DTNA: variants seen among roughly 807,000 people sequenced by gnomAD.
DTNA encodes dystrophin-related protein 3.
DTNA carries 43 observed loss-of-function variants against 100.7 expected under a neutral mutation model. That is an observed-to-expected ratio of 0.43 (90% CI 0.33 to 0.55). DTNA has a LOEUF of 0.55. Ranked by LOEUF, DTNA falls within the 20% of genes least tolerant of loss-of-function variation. The pLI is 0.04. For missense variants in DTNA, 798 were observed against 953.9 expected (o/e 0.84, Z 2.15); for synonymous variants, 349 against 347.9 (o/e 1.00, Z -0.04).
intron 1 of DTNA, among the ~76,000 whole-genome samples, chr18:34,600,374 G>A (rs1174177719): frequency 1.3e-5 from 2 of 152,104 alleles, no homozygotes; most frequent in Admixed American, 1.3e-4. Context: ...ATTTTAAAAA[G>A]AGCAATAGAG....
chr18:34,809,030 A>G (rs1236088931), intron 5 of DTNA, among the ~76,000 whole-genome samples: 3 of 152,218 alleles, frequency 2.0e-5, no homozygotes, highest in Non-Finnish European at 4.4e-5. Context: ...AGCAGTTTCC[A>G]GGTAACTTGG....
chr18:34,624,152 A>C (rs1209843433), intron 1 of DTNA, among the ~76,000 whole-genome samples: 3 of 152,212 alleles, frequency 2.0e-5, no homozygotes. Flanking sequence ...AAGCAAAAAA[A>C]ATACAAGGTA....
intron 1 of DTNA, among the ~76,000 whole-genome samples, chr18:34,692,231 A>G (rs1368702148): frequency 1.3e-5 from 2 of 152,176 alleles, no homozygotes; most frequent in East Asian, 3.9e-4. Context: ...TTATCCAGCC[A>G]TTAGAAGTAA....
chr18:34,747,104 C>CTATATATATA (rs35537934), intron 1 of DTNA, among the ~76,000 whole-genome samples: 58 of 148,312 alleles, frequency 3.9e-4, no homozygotes, highest in African/African-American at 1.4e-3. Flanking sequence ...ATATCTGTAT[C>CTATATATATA]TATATATATA....
At chr18:34,785,833 A>G (rs79971699) in intron 3 of DTNA, among the ~76,000 whole-genome samples, 4 of 108,190 alleles carry the variant, frequency 3.7e-5, no homozygotes, top group African/African-American at 1.3e-4. Flanking sequence ...TTAGGGACCT[A>G]TTTTGTACAC....
At chr18:34,652,452 TTTG>T (rs1442275120) in intron 1 of DTNA, among the ~76,000 whole-genome samples, 1 of 152,130 alleles carries the variant, frequency 6.6e-6, no homozygotes, top group East Asian at 1.9e-4. Flanking sequence ...TGCCCAGGTG[TTTG>T]CTTATTTCCT....
intron 1 of DTNA, among the ~76,000 whole-genome samples, chr18:34,571,076 C>G (rs1486753872): frequency 6.6e-6 from 1 of 152,122 alleles, no homozygotes; most frequent in Non-Finnish European, 1.5e-5. Context: ...CACTGAGGTT[C>G]GGTTAAGTTC....
At chr18:34,688,162 G>A (rs922795687) in intron 1 of DTNA, among the ~76,000 whole-genome samples, 1 of 152,132 alleles carries the variant, frequency 6.6e-6, no homozygotes, top group African/African-American at 2.4e-5. Context: ...ATATTGTTAT[G>A]TGTGAATTTG....
At chr18:34,592,889 GA>G (rs1254624886) in intron 1 of DTNA, among the ~76,000 whole-genome samples, 3 of 151,934 alleles carry the variant, frequency 2.0e-5, no homozygotes, top group South Asian at 2.1e-4. Flanking sequence ...TCAAAGTTAA[GA>G]AAAAAAATTT....
chr18:34,836,446 A>T (rs2096146445), intron 11 of DTNA, among the ~76,000 whole-genome samples: 1 of 152,098 alleles, frequency 6.6e-6, no homozygotes. Context: ...TGAGGTCGGG[A>T]GTTCGAGACC....
At chr18:34,774,054 T>C (rs568933288) in intron 3 of DTNA, among the ~76,000 whole-genome samples, 1 of 152,372 alleles carries the variant, frequency 6.6e-6, no homozygotes, top group Admixed American at 6.5e-5. Flanking sequence ...CTTCTGCTTC[T>C]GCATTAGACG....
intron 1 of DTNA, among the ~76,000 whole-genome samples, chr18:34,612,076 G>C (rs1453831182): frequency 2.6e-5 from 4 of 152,154 alleles, no homozygotes; most frequent in Non-Finnish European, 5.9e-5. Context: ...CAGCTGACAC[G>C]GGCCACCGCG....
At chr18:34,616,832 A>G (rs1433531339) in intron 1 of DTNA, among the ~76,000 whole-genome samples, 1 of 151,970 alleles carries the variant, frequency 6.6e-6, no homozygotes, top group Non-Finnish European at 1.5e-5. Context: ...TATTGTAGAG[A>G]TCTTTCACCT....
At chr18:34,571,551 C>T (rs550370087) in intron 1 of DTNA, among the ~76,000 whole-genome samples, 3 of 151,716 alleles carry the variant, frequency 2.0e-5, no homozygotes, top group African/African-American at 7.3e-5. Context: ...GAGACCAGCC[C>T]GAGCAACATA....
At chr18:34,715,891 A>T (rs1047827387) in intron 1 of DTNA, among the ~76,000 whole-genome samples, 7 of 152,218 alleles carry the variant, frequency 4.6e-5, no homozygotes, top group Non-Finnish European at 8.8e-5. Context: ...TTTTAAAAAT[A>T]TCTACAAATT....
At chr18:34,654,146 C>T (rs183457899) in intron 1 of DTNA, among the ~76,000 whole-genome samples, 93 of 152,226 alleles carry the variant, frequency 6.1e-4, no homozygotes, top group African/African-American at 2.0e-3. Context: ...AATTTTTTCT[C>T]CTGTTATTGG....
At chr18:34,569,670 A>G (rs1008027299) in intron 1 of DTNA, among the ~76,000 whole-genome samples, 3 of 152,308 alleles carry the variant, frequency 2.0e-5, no homozygotes, top group Non-Finnish European at 2.9e-5. Flanking sequence ...AAAAATCTAC[A>G]GAGTGGGACA....
At chr18:34,886,490 A>G (rs959960123) in intron 22 of DTNA, among the ~76,000 whole-genome samples, 3 of 152,224 alleles carry the variant, frequency 2.0e-5, no homozygotes, top group Non-Finnish European at 4.4e-5. Flanking sequence ...AGCTTCAGCA[A>G]TTTGATCATT....
At chr18:34,514,313 G>A (rs1167376747) in intron 1 of DTNA, among the ~76,000 whole-genome samples, 1 of 152,090 alleles carries the variant, frequency 6.6e-6, no homozygotes, top group East Asian at 1.9e-4. Flanking sequence ...GTTGGGGGGA[G>A]TGAAAACACA....
Sources: allele counts gnomAD v4.1 joint callset (sites outside exome capture counted in the v4.1 genomes callset), GRCh38; gene constraint gnomAD v4.1.1; transcripts MANE v1.5; gene names NCBI Gene and HGNC (gene_info 2026-07-23, HGNC 2026-07-21).